The following PTP4A1 variants were observed in gnomAD, a reference collection of about 807,000 sequenced individuals.
PTP4A1 encodes protein tyrosine phosphatase type IVA 1.
Under a neutral mutation model 20.5 loss-of-function variants are expected in PTP4A1, and 9 were observed. The ratio of observed to expected loss-of-function variants is 0.44; its 90% CI spans 0.26 to 0.77. The LOEUF is 0.77. PTP4A1 is among the 30% of genes least tolerant of loss of function. PTP4A1 has a pLI of 0.19. For missense variants in PTP4A1, 137 were observed against 218.8 expected, an observed-to-expected ratio of 0.63 and a Z score of 2.36; for synonymous variants, 78 against 67.4, an observed-to-expected ratio of 1.16 and a Z score of -0.77.
chr6:63,528,557 T>G (rs918929158), intron 2 of PTP4A1, among the ~76,000 whole-genome samples: 5 of 151,600 alleles, frequency 3.3e-5, no homozygotes, highest in African/African-American at 1.2e-4. Flanking sequence ...AAACCTCATC[T>G]CTACAAAAAA....
At chr6:63,549,047 C>T (rs533705607) in intron 2 of PTP4A1, 65 of 723,802 alleles carry the variant, frequency 9.0e-5, no homozygotes, top group Non-Finnish European at 1.4e-4. Context: ...CAATCACCAC[C>T]GGCTGAGCTT....
chr6:63,561,831 A>C (rs1354343250), intron 3 of PTP4A1, among the ~76,000 whole-genome samples: 1 of 152,232 alleles, frequency 6.6e-6, no homozygotes, highest in Non-Finnish European at 1.5e-5. Flanking sequence ...AGAACATGGA[A>C]TCAGAACGAA....
intron 3 of PTP4A1, among the ~76,000 whole-genome samples, chr6:63,558,578 C>T (rs562377908): frequency 6.6e-6 from 1 of 152,244 alleles, no homozygotes; most frequent in South Asian, 2.1e-4. Flanking sequence ...CAGCCTAAAC[C>T]ATGTTGAATA....
chr6:63,551,075 T>C (rs1375739790), intron 3 of PTP4A1, among the ~76,000 whole-genome samples: 1 of 152,106 alleles, frequency 6.6e-6, no homozygotes, highest in East Asian at 1.9e-4. Flanking sequence ...TTGTTGTTGC[T>C]GTTGTTTTGA....
At chr6:63,522,085 T>G (rs1399504237) in intron 1 of PTP4A1, among the ~76,000 whole-genome samples, 2 of 152,240 alleles carry the variant, frequency 1.3e-5, no homozygotes, top group Non-Finnish European at 1.5e-5. Context: ...TTGGATTACA[T>G]TGGTAGAACC....
intron 3 of PTP4A1, among the ~76,000 whole-genome samples, chr6:63,553,332 G>T (rs1776532732): frequency 6.6e-6 from 1 of 152,316 alleles, no homozygotes; most frequent in Non-Finnish European, 1.5e-5. Context: ...AGCGACTCGG[G>T]TTCAGATAGA....
rs995920367 is a variant in PTP4A1 at position 63,580,763 on chromosome 6, A to G, written c.*589A>G. Reference sequence around the variant, plus strand: ...TTTTTTACCAAGTCTTACAGTGATTATTTTACGTGTTTCCATGTATCTCAC... The same window carrying G: ...TTTTTTACCAAGTCTTACAGTGATTGTTTTACGTGTTTCCATGTATCTCAC... On this transcript the variant is annotated 3_prime_UTR_variant, in exon 6 of 6. Transcript: ENST00000626021. 6.7e-6 allele frequency: 1 copy of G among 148,940 alleles called. No homozygotes were observed. The highest frequency in any genetic ancestry group is 1.5e-5 in the Non-Finnish European group (1 of 67,316). 9.2% of individuals were successfully genotyped at this position (148,940 alleles called of 1,614,324 possible).
intron 2 of PTP4A1, among the ~76,000 whole-genome samples, chr6:63,529,121 GTA>G (rs1210158113): frequency 7.1e-6 from 1 of 140,020 alleles, no homozygotes; most frequent in Non-Finnish European, 1.5e-5. Context: ...ATATATATAT[GTA>G]TATATATGTG....
intron 2 of PTP4A1, chr6:63,549,415 A>G (rs1289938373): frequency 5.3e-6 from 4 of 751,600 alleles, no homozygotes; most frequent in Non-Finnish European, 9.7e-6. Flanking sequence ...CCGTTTCTCA[A>G]ACAGGGGATT....
chr6:63,537,894 C>T (rs1437732074), intron 2 of PTP4A1, among the ~76,000 whole-genome samples: 4 of 152,118 alleles, frequency 2.6e-5, no homozygotes, highest in Non-Finnish European at 4.4e-5. Flanking sequence ...TGGGGAGAAT[C>T]CTACCAATGG....
At chr6:63,548,750 G>A (rs1416066406) in intron 2 of PTP4A1, 4 of 686,248 alleles carry the variant, frequency 5.8e-6, no homozygotes, top group Admixed American at 2.1e-5. Flanking sequence ...TTGCCTTTTC[G>A]AGCTTGCCAA....
At chr6:63,580,031 T>C in intron 5 of PTP4A1, 26 bp from the exon 6 acceptor site, 1 of 1,519,128 alleles carries the variant, frequency 6.6e-7, no homozygotes, top group Non-Finnish European at 9.1e-7. Flanking sequence ...TTGCCTTGTT[T>C]CATTTTTTTT....
chr6:63,525,121 G>T (rs1445624588), intron 1 of PTP4A1, among the ~76,000 whole-genome samples: 1 of 152,154 alleles, frequency 6.6e-6, no homozygotes, highest in Non-Finnish European at 1.5e-5. Context: ...TGTTTCAAAG[G>T]TGAAGATTTC....
In PTP4A1 at chr6:63,526,576, G is replaced by A. The variant is rs1015051473; in HGVS notation, c.-905-1243G>A. 3.3e-5 allele frequency among the ~76,000 whole-genome samples: 5 copies of A among 151,596 alleles called. No individual in the cohort carries two copies. In the East Asian group the frequency reaches 7.8e-4, roughly 24 times the overall value. On this transcript the variant is annotated intron_variant, in intron 1 of 3. Coordinates refer to the PTP4A1 transcript ENST00000639568. ...TGTAATCCCAGTACTTTGGGAGACC[G>A]AGGCAGGCGGATCGCAAGGTAAGGA...
intron 1 of PTP4A1, among the ~76,000 whole-genome samples, chr6:63,576,205 T>G (rs923887240): frequency 7.3e-5 from 11 of 151,722 alleles, no homozygotes; most frequent in Non-Finnish European, 1.6e-4. Context: ...CTGAGGAATC[T>G]TGGTAATAGA....
chr6:63,559,916 C>G (rs571729019), intron 3 of PTP4A1, among the ~76,000 whole-genome samples: 4 of 152,026 alleles, frequency 2.6e-5, no homozygotes, highest in Non-Finnish European at 5.9e-5. Flanking sequence ...GGTGATCCAC[C>G]GTGCCTGGCC....
At chr6:63,575,829 G>A (rs1302822130) in intron 1 of PTP4A1, among the ~76,000 whole-genome samples, 1 of 152,012 alleles carries the variant, frequency 6.6e-6, no homozygotes, top group Non-Finnish European at 1.5e-5. Flanking sequence ...AGATTGTTAA[G>A]GATAAAGTGA....
chr6:63,521,128 T>C (rs1035144422), upstream of PTP4A1, among the ~76,000 whole-genome samples: 12 of 151,760 alleles, frequency 7.9e-5, no homozygotes, highest in Non-Finnish European at 1.5e-4. Flanking sequence ...GCTTAAAACC[T>C]AGATGAGGGG....
At chr6:63,517,711 C>G (rs1359404283), upstream of PTP4A1, among the ~76,000 whole-genome samples, 1 of 152,030 alleles carries the variant, frequency 6.6e-6, no homozygotes, top group African/African-American at 2.4e-5. Context: ...ATCTATAATT[C>G]CACAATATGT....
Sources: gnomAD v4.1 joint callset for allele counts (sites outside exome capture counted in the v4.1 genomes callset) on GRCh38, gnomAD v4.1.1 for gene constraint, MANE v1.5 for transcripts, NCBI Gene and HGNC (gene_info 2026-07-23, HGNC 2026-07-21) for gene names.